Variants in ITGA2 observed in about 807,000 individuals in gnomAD.
ITGA2 encodes integrin subunit alpha 2.
In ITGA2, 101 loss-of-function variants were observed where a neutral mutation model predicts 146.3. That is an observed-to-expected ratio of 0.69 (90% CI 0.59 to 0.81). The LOEUF (loss-of-function observed/expected upper bound fraction) is 0.81. ITGA2 is among the 40% of genes least tolerant of loss of function. The pLI is 0.00. For synonymous variants in ITGA2, 477 were observed against 487.1 expected (o/e 0.98, Z 0.27); for missense variants, 1,281 against 1,402.7 (o/e 0.91, Z 1.39).
intron 6 of ITGA2, 38 bp from the exon 7 acceptor site, chr5:53,051,373 T>C: frequency 6.3e-7 from 1 of 1,598,762 alleles, no homozygotes; most frequent in Non-Finnish European, 8.6e-7. Context: ...ATTTTTAATG[T>C]AATGACAGCC....
At position 53,044,867 on chromosome 5, in the gene ITGA2, A is replaced by G. The variant is rs969445662; in HGVS notation, c.296-134A>G. 2.6e-5 allele frequency: 18 copies of G among 696,616 alleles called. 1 individual carries two copies. The highest frequency in any genetic ancestry group is 2.5e-4 in the Admixed American group (12 of 47,230). 43.2% of individuals were successfully genotyped at this position (696,616 alleles called of 1,614,324 possible). A position where few individuals can be genotyped will look rare whatever the true frequency, so the allele number is the denominator to read the frequency against. On this transcript the variant is annotated intron_variant, in intron 3 of 29. Coordinates refer to ENST00000296585, the MANE Select transcript of ITGA2 (RefSeq NM_002203.4). ...ATCGCGTTTCCCCACACTTCATTAT[A>G]TAACTCAAGTACCTATATTGATGAC...
intron 1 of ITGA2, among the ~76,000 whole-genome samples, chr5:52,996,142 G>A (rs1741236460): frequency 6.6e-6 from 1 of 152,104 alleles, no homozygotes. Context: ...GGAGGAGAGA[G>A]TAGCAAGAGA....
Position 53,065,078 on chromosome 5 carries a change from A to C in ITGA2, c.1769A>C (p.Asn590Thr). ...AATTCTGGAGCTGTATACATTTACAATGGTCATCAGGGCACTATCCGCACA... is the reference window on the plus strand; with the variant it reads ...AATTCTGGAGCTGTATACATTTACACTGGTCATCAGGGCACTATCCGCACA... ...NQNSGAVYIY[N>T]GHQGTIRTKY... Residue 590 changes from asparagine to threonine, a missense_variant, in exon 14 of 30, where the codon AAT (asparagine) becomes ACT (threonine). By Grantham distance (65) the Asn-to-Thr change is moderately conservative. Transcript: ENST00000296585. 1 of 1,612,734 alleles carries C rather than the reference A, an allele frequency of 6.2e-7. No individual in the cohort carries two copies. Among genetic ancestry groups the C allele is most frequent in the Non-Finnish European group, 8.5e-7 (1 of 1,179,130 alleles).
At chr5:53,078,632 T>C in intron 23 of ITGA2, 140 bp from the exon 24 acceptor site, 1 of 646,160 alleles carries the variant, frequency 1.5e-6, no homozygotes, top group Non-Finnish European at 2.8e-6. Flanking sequence ...TAGGCAAGCA[T>C]TTCTTTTTAT....
intron 4 of ITGA2, among the ~76,000 whole-genome samples, chr5:53,046,419 T>A (rs1401472442): frequency 2.0e-5 from 3 of 152,072 alleles, no homozygotes; most frequent in African/African-American, 7.2e-5. Context: ...GCTTGTGATA[T>A]GTGTTAACAT....
chr5:52,996,092 A>G (rs1456449062), intron 1 of ITGA2, among the ~76,000 whole-genome samples: 2 of 152,148 alleles, frequency 1.3e-5, no homozygotes, highest in Non-Finnish European at 2.9e-5. Context: ...AAGATGAGGA[A>G]ATGTAGAGAG....
intron 5 of ITGA2, 46 bp from the exon 6 acceptor site, chr5:53,048,597 A>G (rs1470590092): frequency 4.3e-6 from 7 of 1,613,788 alleles, no homozygotes; most frequent in Non-Finnish European, 3.4e-6. Flanking sequence ...GCTGTGAAAT[A>G]TGACTTACCT....
At chr5:53,051,283 A>G (rs1744347733) in intron 6 of ITGA2, 128 bp from the exon 7 acceptor site, 5 of 897,134 alleles carry the variant, frequency 5.6e-6, no homozygotes, top group Non-Finnish European at 9.0e-6. Flanking sequence ...TCAAGAACAA[A>G]GTTGGAAGTG....
intron 1 of ITGA2, among the ~76,000 whole-genome samples, chr5:53,021,453 G>C (rs1340854568): frequency 6.6e-6 from 1 of 152,130 alleles, no homozygotes; most frequent in Non-Finnish European, 1.5e-5. Context: ...CCTAAACACT[G>C]TTTTCTCATT....
At chr5:53,045,184 A>G (rs1744015659) in intron 4 of ITGA2, 92 bp downstream of exon 4, 1 of 1,007,960 alleles carries the variant, frequency 9.9e-7, no homozygotes, top group Admixed American at 1.8e-5. Context: ...GAGGATTTAG[A>G]TGTTTAGAAC....
intron 7 of ITGA2, among the ~76,000 whole-genome samples, chr5:53,052,917 T>C (rs1242103291): frequency 6.6e-6 from 1 of 152,152 alleles, no homozygotes. Context: ...TTGTCAGCCC[T>C]ACACTCTCTC....
chr5:53,047,267 AGG>A (rs1279519997), intron 4 of ITGA2, among the ~76,000 whole-genome samples: 3 of 152,182 alleles, frequency 2.0e-5, no homozygotes, highest in Admixed American at 2.0e-4. Context: ...TAAATTCTGT[AGG>A]CATTTTTTAG....
At position 53,048,457 on chromosome 5, in the gene ITGA2, G is replaced by C. The variant is rs1245304852; in HGVS notation, c.482G>C (p.Ser161Thr). The C allele has an allele frequency of 6.2e-7, 1 of 1,614,090 alleles. No individual in the cohort carries two copies. Among genetic ancestry groups the C allele is most frequent in the East Asian group, 2.2e-5 (1 of 44,878 alleles). ...DISPDFQLSASFSPATQPCPS... is the reference protein window; with the variant it reads ...DISPDFQLSATFSPATQPCPS... ...AGTCCTGATTTTCAGCTCTCAGCCAGCTTCTCACCTGCAACTCAGCGTAAG... is the reference window on the plus strand; with the variant it reads ...AGTCCTGATTTTCAGCTCTCAGCCACCTTCTCACCTGCAACTCAGCGTAAG... Residue 161 changes from serine to threonine, a missense_variant, in exon 5 of 30, where the codon AGC (serine) becomes ACC (threonine). Coordinates refer to ENST00000296585, the MANE Select transcript of ITGA2 (RefSeq NM_002203.4).
chr5:53,070,003 T>A (rs1329970367), intron 16 of ITGA2, 106 bp from the exon 17 acceptor site: 4 of 885,048 alleles, frequency 4.5e-6, no homozygotes, highest in Non-Finnish European at 7.3e-6. Context: ...ATTTCCATAT[T>A]TTCTTGATGT....
rs188423030 is a variant in ITGA2, at chr5:53,016,019, C to T, written c.65-10729C>T. ...GGTTCTCTTGAAGACAGCATACACTCGGGTCTTGCTTCTTTCTCCAACTTG... is the reference window on the plus strand; with the variant it reads ...GGTTCTCTTGAAGACAGCATACACTTGGGTCTTGCTTCTTTCTCCAACTTG... On this transcript the variant is annotated intron_variant, in intron 1 of 29. Transcript: ENST00000296585. Among the ~76,000 whole-genome samples, 185 of 152,258 alleles carry T rather than the reference C, an allele frequency of 1.2e-3. 2 individuals carry two copies. The South Asian group carries it at 0.027, about 22-fold the overall frequency.
chr5:52,997,336 T>C (rs1299416706), intron 1 of ITGA2, among the ~76,000 whole-genome samples: 5 of 152,226 alleles, frequency 3.3e-5, no homozygotes, highest in Non-Finnish European at 1.5e-5. Flanking sequence ...TTTATTAAAG[T>C]GTCTAGAGAC....
At chr5:53,076,469 TC>T (rs1561148442) in intron 23 of ITGA2, among the ~76,000 whole-genome samples, 1 of 151,988 alleles carries the variant, frequency 6.6e-6, no homozygotes, top group African/African-American at 2.4e-5. Context: ...GAAACAAAAT[TC>T]CGTCCAAATA....
chr5:53,009,042 G>A (rs1741992929), intron 1 of ITGA2, among the ~76,000 whole-genome samples: 2 of 152,098 alleles, frequency 1.3e-5, no homozygotes. Context: ...ACACAGTGGG[G>A]TGCAAGACAG....
chr5:53,041,728 G>C (rs1040108645), intron 2 of ITGA2, among the ~76,000 whole-genome samples: 2 of 152,130 alleles, frequency 1.3e-5, no homozygotes, highest in Admixed American at 1.3e-4. Flanking sequence ...TTTTGATATT[G>C]CATGCTAGTT....
Sources: gnomAD v4.1 joint callset for allele counts (sites outside exome capture counted in the v4.1 genomes callset) on GRCh38, gnomAD v4.1.1 for gene constraint, MANE v1.5 for transcripts, NCBI Gene and HGNC (gene_info 2026-07-23, HGNC 2026-07-21) for gene names.